CACNA2D1: variants seen among roughly 807,000 people sequenced by gnomAD.
CACNA2D1 encodes the protein calcium voltage-gated channel auxiliary subunit alpha2delta 1, also known as voltage-dependent calcium channel subunit alpha-2/delta-1.
Under a neutral mutation model 171.5 loss-of-function variants are expected in CACNA2D1, and 53 were observed. The ratio of observed to expected loss-of-function variants is 0.31; its 90% CI spans 0.25 to 0.39. The LOEUF is 0.39. Among genes scored for constraint, CACNA2D1 ranks in the 10% least tolerant of loss-of-function variants. CACNA2D1 has a pLI of 1.00. For missense variants in CACNA2D1, 903 were observed against 1,299.8 expected, an observed-to-expected ratio of 0.69 and a Z score of 4.69; for synonymous variants, 442 against 443.1, an observed-to-expected ratio of 1.00 and a Z score of 0.03.
chr7:82,068,286 G>A (rs1807903335), intron 7 of CACNA2D1, among the ~76,000 whole-genome samples: 1 of 151,996 alleles, frequency 6.6e-6, no homozygotes, highest in Non-Finnish European at 1.5e-5. Flanking sequence ...GTAGAGGAGA[G>A]CTTACAAGGA....
intron 5 of CACNA2D1, among the ~76,000 whole-genome samples, chr7:82,117,892 T>C (rs573127005): frequency 7.7e-4 from 118 of 152,306 alleles, no homozygotes; most frequent in Non-Finnish European, 1.3e-3. Flanking sequence ...TCACAATTTA[T>C]TTAACTAAAT....
chr7:82,400,218 G>GT (rs1826219264), intron 1 of CACNA2D1, among the ~76,000 whole-genome samples: 1 of 150,780 alleles, frequency 6.6e-6, no homozygotes, highest in Admixed American at 6.7e-5. Flanking sequence ...CTTTAAAGTA[G>GT]TTTTTTCCAA....
chr7:82,277,492 G>A (rs1037929078), intron 3 of CACNA2D1, among the ~76,000 whole-genome samples: 21 of 152,154 alleles, frequency 1.4e-4, no homozygotes, highest in African/African-American at 4.1e-4. Flanking sequence ...GAGCCACTGC[G>A]CCCAACCCCC....
At chr7:82,315,865 C>T (rs1156840054) in intron 3 of CACNA2D1, among the ~76,000 whole-genome samples, 2 of 152,020 alleles carry the variant, frequency 1.3e-5, no homozygotes, top group African/African-American at 4.8e-5. Flanking sequence ...TAACTTGATA[C>T]TTTTTTCTTA....
At chr7:82,029,779 C>T (rs1050010299) in intron 12 of CACNA2D1, 19 of 151,560 alleles carry the variant, frequency 1.3e-4, no homozygotes, top group African/African-American at 4.6e-4. Flanking sequence ...TACTGTGTAT[C>T]ACAGAACTTT....
At chr7:82,237,621 T>C (rs957237128) in intron 3 of CACNA2D1, among the ~76,000 whole-genome samples, 32 of 151,986 alleles carry the variant, frequency 2.1e-4, no homozygotes, top group Non-Finnish European at 1.3e-4. Flanking sequence ...AAAGTACAGA[T>C]TGCAAGCTAA....
At chr7:82,052,044 AAACT>A (rs1805252191) in intron 10 of CACNA2D1, among the ~76,000 whole-genome samples, 1 of 152,202 alleles carries the variant, frequency 6.6e-6, no homozygotes, top group African/African-American at 2.4e-5. Flanking sequence ...AGAATGAAAG[AAACT>A]TAGAAAAATA....
At chr7:82,082,982 T>A in intron 7 of CACNA2D1, among the ~76,000 whole-genome samples, 1 of 152,076 alleles carries the variant, frequency 6.6e-6, no homozygotes, top group Non-Finnish European at 1.5e-5. Context: ...TATCTTTCCA[T>A]CCATCTCTTG....
At chr7:82,034,434 A>T (rs1803061292) in intron 11 of CACNA2D1, among the ~76,000 whole-genome samples, 2 of 152,068 alleles carry the variant, frequency 1.3e-5, no homozygotes. Context: ...CCATGGACTC[A>T]GCCATTAGAA....
intron 21 of CACNA2D1, among the ~76,000 whole-genome samples, chr7:81,985,619 T>C (rs1461796329): frequency 6.6e-6 from 1 of 152,214 alleles, no homozygotes; most frequent in Non-Finnish European, 1.5e-5. Flanking sequence ...ATTCCTTTAC[T>C]GCACTAACAG....
intron 4 of CACNA2D1, among the ~76,000 whole-genome samples, chr7:82,156,591 A>C (rs1175343076): frequency 6.6e-6 from 1 of 152,062 alleles, no homozygotes; most frequent in East Asian, 1.9e-4. Flanking sequence ...TATCTTTAAA[A>C]GTATATAAAT....
At chr7:82,337,216 A>G (rs1435188276) in intron 2 of CACNA2D1, among the ~76,000 whole-genome samples, 4 of 152,294 alleles carry the variant, frequency 2.6e-5, no homozygotes, top group African/African-American at 9.6e-5. Context: ...TAAAGTCTAG[A>G]ACCCCTAGTG....
intron 3 of CACNA2D1, among the ~76,000 whole-genome samples, chr7:82,232,532 T>C (rs973034704): frequency 5.9e-5 from 9 of 152,102 alleles, no homozygotes; most frequent in Non-Finnish European, 1.3e-4. Context: ...GCGAAGTAAA[T>C]AATAATTGCC....
In CACNA2D1 at chr7:82,111,428, G is replaced by GTGTGTATATATA. The variant is rs1413914216; in HGVS notation, c.526+5615_526+5616insTATATATACACA. Among the ~76,000 whole-genome samples the GTGTGTATATATA allele has an allele frequency of 1.6e-4, 8 of 50,414 alleles. 1 individual carries two copies. Among genetic ancestry groups the GTGTGTATATATA allele is most frequent in the African/African-American group, 7.6e-4 (8 of 10,532 alleles). 33.1% of individuals were successfully genotyped at this position (50,414 alleles called of 152,430 possible). Reference sequence around the variant, plus strand: ...TATTCATATATGTGTATATATGTGTGTATATATATATATATATTTTTTTTT... The same window carrying GTGTGTATATATA: ...TATTCATATATGTGTATATATGTGTGTGTGTATATATATATATATATATATATATTTTTTTTT... On this transcript the variant is annotated intron_variant, in intron 6 of 38. Coordinates refer to ENST00000356860, the MANE Select transcript of CACNA2D1 (RefSeq NM_000722.4).
intron 6 of CACNA2D1, among the ~76,000 whole-genome samples, chr7:82,098,211 C>A (rs992664274): frequency 6.6e-6 from 1 of 152,122 alleles, no homozygotes. Context: ...AGACCCAACT[C>A]TCACAAACAA....
chr7:82,193,682 C>G (rs2129190590), intron 3 of CACNA2D1, among the ~76,000 whole-genome samples: 1 of 152,016 alleles, frequency 6.6e-6, no homozygotes, highest in South Asian at 2.1e-4. Flanking sequence ...CGCAGGTTTG[C>G]TGAAATTTAT....
At chr7:82,193,090 G>A (rs992984751) in intron 3 of CACNA2D1, among the ~76,000 whole-genome samples, 2 of 151,828 alleles carry the variant, frequency 1.3e-5, no homozygotes, top group Non-Finnish European at 1.5e-5. Context: ...CTGTTCTCAA[G>A]GGGTCGTACA....
At chr7:82,160,153 T>C (rs1034507590) in intron 4 of CACNA2D1, among the ~76,000 whole-genome samples, 12 of 151,894 alleles carry the variant, frequency 7.9e-5, no homozygotes, top group African/African-American at 2.7e-4. Context: ...TACTAGCCTC[T>C]ATGAATGACA....
intron 1 of CACNA2D1, among the ~76,000 whole-genome samples, chr7:82,361,107 G>A (rs7803081): frequency 0.1 from 15,361 of 152,056 alleles, 2,545 homozygotes; most frequent in African/African-American, 0.35. Flanking sequence ...CACAGAACAC[G>A]GTTCTCTTTG....
Sources: allele counts gnomAD v4.1 joint callset (sites outside exome capture counted in the v4.1 genomes callset), GRCh38; gene constraint gnomAD v4.1.1; transcripts MANE v1.5; gene names NCBI Gene and HGNC (gene_info 2026-07-23, HGNC 2026-07-21).